FOXN3: variants seen among roughly 807,000 people sequenced by gnomAD.
FOXN3 encodes forkhead box N3.
FOXN3 carries 7 observed loss-of-function variants against 38.4 expected under a neutral mutation model. The ratio of observed to expected loss-of-function variants is 0.18; its 90% CI spans 0.10 to 0.34. The LOEUF (loss-of-function observed/expected upper bound fraction) is 0.34, where lower values mean the gene tolerates loss of function less well. FOXN3 is among the 10% of genes least tolerant of loss of function. FOXN3 has a pLI of 1.00. For missense variants in FOXN3, 456 were observed against 613.4 expected (o/e 0.74, Z 2.71); for synonymous variants, 230 against 242.2 (o/e 0.95, Z 0.47).
At chr14:89,357,840 T>C (rs888924031) in intron 2 of FOXN3, among the ~76,000 whole-genome samples, 1 of 152,216 alleles carries the variant, frequency 6.6e-6, no homozygotes, top group Non-Finnish European at 1.5e-5. Flanking sequence ...TCAAAACTTA[T>C]TCTCGCTATT....
intron 4 of FOXN3, among the ~76,000 whole-genome samples, chr14:89,195,424 A>G (rs770645655): frequency 1.3e-5 from 2 of 152,260 alleles, no homozygotes; most frequent in Non-Finnish European, 2.9e-5. Context: ...ACCTCTTTAG[A>G]TAGCAGAGGA....
At chr14:89,227,376 T>C (rs951278645) in intron 4 of FOXN3, among the ~76,000 whole-genome samples, 1 of 152,244 alleles carries the variant, frequency 6.6e-6, no homozygotes, top group Admixed American at 6.5e-5. Flanking sequence ...ATAAGCTCTT[T>C]GCTCTCATTT....
chr14:89,347,170 C>G (rs766379832), intron 3 of FOXN3, among the ~76,000 whole-genome samples: 11 of 152,154 alleles, frequency 7.2e-5, no homozygotes, highest in Non-Finnish European at 1.6e-4. Context: ...TGAACATGAC[C>G]TTATTTGGGA....
At chr14:89,444,007 C>CAA (rs569571116) in intron 1 of FOXN3, among the ~76,000 whole-genome samples, 6,302 of 67,290 alleles carry the variant, frequency 0.094, 964 homozygotes, top group African/African-American at 0.23. Context: ...GAAACTCTGT[C>CAA]AAAAAAAAAA....
chr14:89,398,837 T>C (rs1256859251), intron 2 of FOXN3, among the ~76,000 whole-genome samples: 1 of 152,024 alleles, frequency 6.6e-6, no homozygotes, highest in African/African-American at 2.4e-5. Flanking sequence ...AATACAAAAT[T>C]AGCCACGCAT....
At chr14:89,165,750 G>A (rs570764139) in intron 5 of FOXN3, among the ~76,000 whole-genome samples, 31 of 152,182 alleles carry the variant, frequency 2.0e-4, no homozygotes, top group Non-Finnish European at 3.8e-4. Context: ...TGAAAGTCTC[G>A]TTGTATGGTC....
At chr14:89,371,409 A>C (rs1176071854) in intron 2 of FOXN3, among the ~76,000 whole-genome samples, 1 of 152,106 alleles carries the variant, frequency 6.6e-6, no homozygotes, top group Non-Finnish European at 1.5e-5. Context: ...CTTAGATATT[A>C]AACCAACCAA....
chr14:89,537,743 T>C (rs376988589), intron 1 of FOXN3, among the ~76,000 whole-genome samples: 122 of 152,336 alleles, frequency 8.0e-4, no homozygotes, highest in African/African-American at 2.6e-3. Flanking sequence ...CAAACAACTT[T>C]AGGCCATGTT....
chr14:89,256,555 C>T lies in FOXN3; in HGVS notation c.745+24395G>A, dbSNP rs758940803. 6.0e-4 allele frequency among the ~76,000 whole-genome samples: 91 copies of T among 152,272 alleles called. 1 individual carries two copies. The highest frequency in any genetic ancestry group is 2.6e-4 in the Non-Finnish European group (18 of 68,030). On this transcript the variant is annotated intron_variant, in intron 4 of 5. Coordinates refer to ENST00000557258, the MANE Select transcript of FOXN3 (RefSeq NM_005197.4). ...TTTGTGCATCACGCTATTGCTGTCC[C>T]GGCCGTAAGAAGCTGAGCCTCTGAT... is the stretch of plus-strand genomic sequence containing the variant.
chr14:89,204,612 A>C (rs1888328930), intron 4 of FOXN3, among the ~76,000 whole-genome samples: 1 of 152,198 alleles, frequency 6.6e-6, no homozygotes, highest in Non-Finnish European at 1.5e-5. Flanking sequence ...CCAAAAAAGC[A>C]TTTGCATTTT....
intron 1 of FOXN3, among the ~76,000 whole-genome samples, chr14:89,612,482 A>G (rs1298104074): frequency 6.6e-6 from 1 of 152,180 alleles, no homozygotes; most frequent in Admixed American, 6.5e-5. Flanking sequence ...CTGAATTAGG[A>G]AATTTCAGAG....
chr14:89,562,236 C>T (rs994339179), intron 1 of FOXN3, among the ~76,000 whole-genome samples: 1 of 151,994 alleles, frequency 6.6e-6, no homozygotes. Context: ...TTTTCCATTT[C>T]TTCTTATTTA....
intron 1 of FOXN3, among the ~76,000 whole-genome samples, chr14:89,601,570 G>T (rs891464417): frequency 6.6e-6 from 1 of 152,190 alleles, no homozygotes; most frequent in African/African-American, 2.4e-5. Context: ...GTTAAACTCA[G>T]GTACAGGGTG....
rs1596126684 is a variant in FOXN3 at position 89,243,126 on chromosome 14, C to A, written c.745+37824G>T. 2.0e-5 allele frequency among the ~76,000 whole-genome samples: 3 copies of A among 152,296 alleles called. No homozygotes were observed. In the South Asian group the frequency reaches 6.2e-4, roughly 32 times the overall value. On this transcript the variant is annotated intron_variant, in intron 4 of 5. Transcript: ENST00000557258. ...AGGAGAGAAGACAGACCCTCCCTCC[C>A]AGGAGGGGGCTCCTATCCCCAAAGG...
rs566061464 is a variant in FOXN3 at position 89,510,262 on chromosome 14, G to T, written c.-14-97772C>A. ...AACCCACGCATGCCTCCTAACTGCCGATATTCTGTATACATTGCTTCTCTT... is the reference window on the plus strand; with the variant it reads ...AACCCACGCATGCCTCCTAACTGCCTATATTCTGTATACATTGCTTCTCTT... On this transcript the variant is annotated intron_variant, in intron 1 of 6. Coordinates refer to the FOXN3 transcript ENST00000345097. Among the ~76,000 whole-genome samples, 10 of 152,152 alleles carry T rather than the reference G, an allele frequency of 6.6e-5. No homozygotes were observed. In the South Asian group the frequency reaches 1.7e-3, roughly 25 times the overall value.
chr14:89,370,259 G>T (rs1890276809), intron 2 of FOXN3, among the ~76,000 whole-genome samples: 1 of 152,172 alleles, frequency 6.6e-6, no homozygotes, highest in Non-Finnish European at 1.5e-5. Context: ...AAATAACTCA[G>T]TGAAGGAATT....
At chr14:89,187,478 T>C (rs1887837654) in intron 4 of FOXN3, among the ~76,000 whole-genome samples, 1 of 152,210 alleles carries the variant, frequency 6.6e-6, no homozygotes, top group South Asian at 2.1e-4. Context: ...ACACCATCAC[T>C]GTGGCTGGCT....
intron 3 of FOXN3, among the ~76,000 whole-genome samples, chr14:89,335,101 A>G (rs942041112): frequency 1.3e-5 from 2 of 151,660 alleles, no homozygotes; most frequent in Non-Finnish European, 2.9e-5. Context: ...ACACACACAC[A>G]CACACACACA....
chr14:89,341,796 CTCCTCCTCTG>C (rs1888622750), intron 3 of FOXN3, among the ~76,000 whole-genome samples: 1 of 152,198 alleles, frequency 6.6e-6, no homozygotes, highest in Non-Finnish European at 1.5e-5. Flanking sequence ...GGATCAATTT[CTCCTCCTCTG>C]GGAAGGCGAG....
Sources: allele counts gnomAD v4.1 joint callset (sites outside exome capture counted in the v4.1 genomes callset), GRCh38; gene constraint gnomAD v4.1.1; transcripts MANE v1.5; gene names NCBI Gene and HGNC (gene_info 2026-07-23, HGNC 2026-07-21).